Variants in AMHR2 observed in about 807,000 individuals in gnomAD.
AMHR2 encodes the protein anti-Mullerian hormone receptor type 2, also known as anti-Muellerian hormone type-2 receptor.
A neutral mutation model predicts 61.4 loss-of-function variants in AMHR2; 36 were observed. The observed-to-expected ratio is 0.59, with a 90% CI of 0.45 to 0.77. The LOEUF (loss-of-function observed/expected upper bound fraction) is 0.77. AMHR2 is among the 30% of genes least tolerant of loss of function. The pLI is 0.00. For synonymous variants in AMHR2, 258 were observed against 279.4 expected (o/e 0.92, Z 0.76); for missense variants, 638 against 714.6 (o/e 0.89, Z 1.22).
chr12:53,431,162 T>C lies in AMHR2; in HGVS notation c.1426-15T>C. The C allele has an allele frequency of 6.2e-7, 1 of 1,613,814 alleles. No individual in the cohort carries two copies. The highest frequency in any genetic ancestry group is 1.1e-5 in the South Asian group (1 of 91,076). ...GATCCTAGGGTCAACCCTTCCTCCC[T>C]GTCATTCCCCCCAGGACCCTGATGG... On this transcript the variant is annotated splice_polypyrimidine_tract_variant and intron_variant, in intron 10 of 10. Transcript: ENST00000257863.
intron 6 of AMHR2, 106 bp from the exon 7 acceptor site, chr12:53,428,790 T>C: frequency 3.8e-6 from 3 of 791,182 alleles, no homozygotes; most frequent in Non-Finnish European, 6.5e-6. Flanking sequence ...TGTGTCTGTC[T>C]GCTGGGGAGA....
At position 53,431,630 on chromosome 12, in the gene AMHR2, A is replaced by T. The variant is rs994386381; in HGVS notation, c.*157A>T. The T allele has an allele frequency of 2.3e-6, 2 of 881,322 alleles. No individual in the cohort carries two copies. Among genetic ancestry groups the T allele is most frequent in the Admixed American group, 2.0e-5 (1 of 49,450 alleles). The allele number at this position is 881,322 out of a possible 1,614,324, so 54.6% of individuals were successfully genotyped here. A position where few individuals can be genotyped will look rare whatever the true frequency, so the allele number is the denominator to read the frequency against. Reference sequence around the variant, plus strand: ...TCAGTTCTGACCAGTGACTTGGGGTAGGTGTGCACAGGAAAGAGAATAAAG... The same window carrying T: ...TCAGTTCTGACCAGTGACTTGGGGTTGGTGTGCACAGGAAAGAGAATAAAG... On this transcript the variant is annotated 3_prime_UTR_variant, in exon 11 of 11. Coordinates refer to ENST00000257863, the MANE Select transcript of AMHR2 (RefSeq NM_020547.3).
rs772348472 is a variant in AMHR2 at position 53,424,887 on chromosome 12, C to T, written c.411C>T (p.Pro137=). The T allele has an allele frequency of 2.5e-6, 4 of 1,611,488 alleles. No homozygotes were observed. The Admixed American group carries it at 6.7e-5, about 27-fold the overall frequency. The part of the protein sequence containing the change: ...GSPGTPGSQG[P]QAAPGESIWM... ...CTGGGACTCCTGGCTCCCAGGGTCC[C>T]CAGGCTGCCCCAGGTAGCCACCCAA... The change falls in exon 3 of 11, where the codon CCC becomes CCT. Residue 137 remains proline (P), a synonymous_variant. Transcript: ENST00000257863.
intron 6 of AMHR2, 52 bp downstream of exon 6, chr12:53,425,971 G>C (rs780980821): frequency 6.5e-7 from 1 of 1,543,860 alleles, no homozygotes; most frequent in Non-Finnish European, 8.9e-7. Context: ...TGTATGTATA[G>C]AGGTGGGGGC....
Position 53,425,159 on chromosome 12 carries a change from G to A in AMHR2, c.425-6G>A. 6.2e-7 allele frequency: 1 copy of A among 1,613,764 alleles called. No individual in the cohort carries two copies. The highest frequency in any genetic ancestry group is 8.5e-7 in the Non-Finnish European group (1 of 1,180,038). ...CTCCAGCCTGCATTCTTGCCTTGATGTCCAGGTGAGTCCATCTGGATGGCA... is the reference window on the plus strand; with the variant it reads ...CTCCAGCCTGCATTCTTGCCTTGATATCCAGGTGAGTCCATCTGGATGGCA... On this transcript the variant is annotated splice_polypyrimidine_tract_variant and splice_region_variant and intron_variant, in intron 3 of 10. Transcript: ENST00000257863.
At chr12:53,427,140 A>G (rs1217406910) in intron 6 of AMHR2, among the ~76,000 whole-genome samples, 2 of 152,212 alleles carry the variant, frequency 1.3e-5, no homozygotes, top group African/African-American at 4.8e-5. Context: ...TTTATAGACT[A>G]GCAGGGGAGA....
At position 53,431,342 on chromosome 12, in the gene AMHR2, G is replaced by A. The variant is rs745474429; in HGVS notation, c.1591G>A (p.Glu531Lys). ...ACGTGGCTGCCCACCTCTCTGCCCAGAAGACTGTACTTCAATTCCTGCCCC... is the reference window on the plus strand; with the variant it reads ...ACGTGGCTGCCCACCTCTCTGCCCAAAAGACTGTACTTCAATTCCTGCCCC... ...CPRGCPPLCPEDCTSIPAPTI... is the reference protein window; with the variant it reads ...CPRGCPPLCPKDCTSIPAPTI... Residue 531 changes from glutamate (E) to lysine (K), a missense_variant, in exon 11 of 11, where the codon GAA becomes AAA. Transcript: ENST00000257863. 1.9e-6 allele frequency: 3 copies of A among 1,614,212 alleles called. No homozygotes were observed. Among genetic ancestry groups the A allele is most frequent in the Non-Finnish European group, 2.5e-6 (3 of 1,180,040 alleles).
intron 3 of AMHR2, 65 bp from the exon 4 acceptor site, chr12:53,425,100 G>A: frequency 1.2e-6 from 2 of 1,608,706 alleles, no homozygotes; most frequent in African/African-American, 2.7e-5. Flanking sequence ...GCTCTCAGGA[G>A]GGGAAGAGCA....
rs373766143 is a variant in AMHR2 at position 53,429,457 on chromosome 12, A to G, written c.972A>G (p.Gln324=). 2.0e-5 allele frequency: 32 copies of G among 1,596,086 alleles called. No homozygotes were observed. Among genetic ancestry groups the G allele is most frequent in the African/African-American group, 1.3e-4 (9 of 69,190 alleles). ...CAACCTTGGATTCCCCCACAGGCCAATATAAACCAGGTATTGCCCACCGAG... is the reference window on the plus strand; with the variant it reads ...CAACCTTGGATTCCCCCACAGGCCAGTATAAACCAGGTATTGCCCACCGAG... ...FLHEERWQNG[Q]YKPGIAHRDL... is the part of the protein sequence containing the mutation. The change falls in exon 8 of 11, where the codon CAA becomes CAG. Residue 324 remains glutamine, a synonymous_variant. Transcript: ENST00000257863.
rs1166660094 is a variant in AMHR2, at chr12:53,431,497, TG to T, written c.*25del. 5.0e-6 allele frequency: 8 copies of T among 1,613,854 alleles called. No individual in the cohort carries two copies. The Admixed American group carries it at 1.3e-4, about 27-fold the overall frequency. ...AAATATGCAGTTTATGTGTCATCAA[TG>T]TACATGCCAACATAAATATGGCGAT... On this transcript the variant is annotated 3_prime_UTR_variant, in exon 11 of 11. Coordinates refer to ENST00000257863, the MANE Select transcript of AMHR2 (RefSeq NM_020547.3).
At position 53,429,415 on chromosome 12, in the gene AMHR2, G is replaced by T. The variant is rs201203926; in HGVS notation, c.968-38G>T. On this transcript the variant is annotated intron_variant, in intron 7 of 10. Coordinates refer to ENST00000257863, the MANE Select transcript of AMHR2 (RefSeq NM_020547.3). ...TCAAAAAAAAAAAAAGAGGGAGGAA[G>T]AAAATCCATGTTCCTTCAACCTTGG... The T allele has an allele frequency of 5.5e-4, 864 of 1,578,876 alleles. 1 individual carries two copies. The highest frequency in any genetic ancestry group is 7.2e-4 in the Non-Finnish European group (839 of 1,159,688).
chr12:53,428,412 C>T (rs1939803111), intron 6 of AMHR2, among the ~76,000 whole-genome samples: 1 of 152,170 alleles, frequency 6.6e-6, no homozygotes, highest in South Asian at 2.1e-4. Context: ...ATGAAGGATG[C>T]CCCTGACTAG....
intron 6 of AMHR2, among the ~76,000 whole-genome samples, 174 bp from the exon 7 acceptor site, chr12:53,428,722 A>C (rs964080024): frequency 1.3e-5 from 2 of 152,106 alleles, no homozygotes; most frequent in African/African-American, 2.4e-5. Context: ...ACTATTTTTC[A>C]TGTCAATTGA....
At chr12:53,430,007 C>G (rs201217654) in intron 9 of AMHR2, 29 bp downstream of exon 9, 1 of 1,614,086 alleles carries the variant, frequency 6.2e-7, no homozygotes, top group South Asian at 1.1e-5. Flanking sequence ...GTCCCCTCTC[C>G]TGGGCTCCCC....
chr12:53,424,311 G>A lies in AMHR2; in HGVS notation c.73G>A (p.Val25Met), dbSNP rs1317623121. The A allele has an allele frequency of 6.2e-7, 1 of 1,612,696 alleles. No individual in the cohort carries two copies. Among genetic ancestry groups the A allele is most frequent in the Non-Finnish European group, 8.5e-7 (1 of 1,180,014 alleles). Residue 25 changes from valine (V) to methionine (M), a missense_variant, in exon 2 of 11, where the codon GTG (valine) becomes ATG (methionine). Physicochemically the swap from Val to Met is conservative, Grantham distance 21. Transcript: ENST00000257863. ...AGCACCCCCAAACAGGCGAACCTGT[G>A]TGTTCTTTGAGGCCCCTGGAGTGCG... The part of the protein sequence containing the change: ...VEAPPNRRTC[V>M]FFEAPGVRGS...
chr12:53,425,620 T>C (rs1275711715), intron 5 of AMHR2, 47 bp downstream of exon 5: 3 of 1,611,984 alleles, frequency 1.9e-6, no homozygotes, highest in Non-Finnish European at 2.5e-6. Flanking sequence ...CTCCTGGAGG[T>C]TGTGCTGGGG....
At chr12:53,431,092 A>G (rs980182456) in intron 10 of AMHR2, 85 bp from the exon 11 acceptor site, 1 of 1,484,112 alleles carries the variant, frequency 6.7e-7, no homozygotes, top group African/African-American at 1.4e-5. Context: ...AAAGCAGGAG[A>G]GTGATGGACA....
intron 2 of AMHR2, 60 bp downstream of exon 2, chr12:53,424,530 T>G (rs1592589455): frequency 6.3e-7 from 1 of 1,588,678 alleles, no homozygotes. Flanking sequence ...CATCCTGGGG[T>G]GTGGGTGGCA....
rs1441301180 is a variant in AMHR2, at chr12:53,429,489, G to A, written c.1004G>A (p.Ser335Asn). Reference sequence around the variant, plus strand: ...CCAGGTATTGCCCACCGAGATCTGAGCAGCCAGAATGTGCTCATTCGGGAA... The same window carrying A: ...CCAGGTATTGCCCACCGAGATCTGAACAGCCAGAATGTGCTCATTCGGGAA... ...YKPGIAHRDL[S>N]SQNVLIREDG... Residue 335 changes from serine to asparagine, a missense_variant, in exon 8 of 11, where the codon AGC (serine) becomes AAC (asparagine). By Grantham distance (46) the Ser-to-Asn change is conservative (BLOSUM62 1). Transcript: ENST00000257863. The A allele has an allele frequency of 6.2e-7, 1 of 1,613,662 alleles. No homozygotes were observed.
Sources: allele counts gnomAD v4.1 joint callset (sites outside exome capture counted in the v4.1 genomes callset), GRCh38; gene constraint gnomAD v4.1.1; transcripts MANE v1.5; gene names NCBI Gene and HGNC (gene_info 2026-07-23, HGNC 2026-07-21).